The following CREB3L2 variants were observed in gnomAD, a reference collection of about 807,000 sequenced individuals.
CREB3L2 encodes the protein cyclic AMP-responsive element-binding protein 3-like protein 2.
CREB3L2 carries 23 observed loss-of-function variants against 57.2 expected under a neutral mutation model. That is an observed-to-expected ratio of 0.40 (90% CI 0.29 to 0.57). The LOEUF is 0.57. Ranked by LOEUF, CREB3L2 falls within the 20% of genes least tolerant of loss-of-function variation. The pLI, the probability that CREB3L2 is intolerant of heterozygous loss-of-function variation, is 0.42. For synonymous variants in CREB3L2, 268 were observed against 265.1 expected (o/e 1.01, Z -0.11); for missense variants, 628 against 634.7 (o/e 0.99, Z 0.11).
intron 10 of CREB3L2, 82 bp from the exon 11 acceptor site, chr7:137,882,710 T>C: frequency 2.1e-6 from 2 of 936,364 alleles, no homozygotes; most frequent in East Asian, 2.6e-5. Flanking sequence ...TGCTCAGGGC[T>C]GGTGGCAGAT....
At chr7:137,889,012 C>G (rs979575474) in intron 8 of CREB3L2, among the ~76,000 whole-genome samples, 1 of 152,076 alleles carries the variant, frequency 6.6e-6, no homozygotes. Context: ...TACCAACAAT[C>G]CCTATTGACC....
At chr7:137,898,917 G>A (rs1220044483) in intron 8 of CREB3L2, among the ~76,000 whole-genome samples, 13 of 141,632 alleles carry the variant, frequency 9.2e-5, no homozygotes, top group Non-Finnish European at 1.7e-4. Flanking sequence ...AAATAAAAAT[G>A]TGGAAGGAGG....
At chr7:137,902,396 A>G (rs368387544) in intron 7 of CREB3L2, among the ~76,000 whole-genome samples, 89 of 152,198 alleles carry the variant, frequency 5.8e-4, no homozygotes, top group African/African-American at 2.0e-3. Context: ...TCTTACCAGG[A>G]CTGATAAGAA....
Position 137,916,021 on chromosome 7 carries a change from A to C in CREB3L2, c.320-9T>G, listed in dbSNP as rs1800123780. On this transcript the variant is annotated splice_polypyrimidine_tract_variant and intron_variant, in intron 2 of 11. Coordinates refer to ENST00000330387, the MANE Select transcript of CREB3L2 (RefSeq NM_194071.4). Reference sequence around the variant, plus strand: ...CTCACTTTCCACCTCATCTGCAGGAAAAAAGACAAGCACACATGTGAACTT... The same window carrying C: ...CTCACTTTCCACCTCATCTGCAGGACAAAAGACAAGCACACATGTGAACTT... The C allele has an allele frequency of 1.2e-6, 2 of 1,609,662 alleles. No homozygotes were observed. The highest frequency in any genetic ancestry group is 3.4e-5 in the Admixed American group (2 of 59,346).
rs187441300 is a variant in CREB3L2, at chr7:137,916,315, T to C, written c.320-303A>G. 2.3e-3 allele frequency among the ~76,000 whole-genome samples: 349 copies of C among 152,236 alleles called. 1 individual carries two copies. The highest frequency in any genetic ancestry group is 6.8e-3 in the Middle Eastern group (2 of 294). On this transcript the variant is annotated intron_variant, in intron 2 of 11. Transcript: ENST00000330387. ...AAACCTGGGTTGATGGGGAATAGAA[T>C]AGGAGGGAGGATTTTGAATATGTAA... is the stretch of plus-strand genomic sequence containing the variant.
chr7:137,946,700 T>G (rs1415924327), intron 1 of CREB3L2, among the ~76,000 whole-genome samples: 1 of 147,970 alleles, frequency 6.8e-6, no homozygotes, highest in East Asian at 1.9e-4. Flanking sequence ...AGGCTGTCCA[T>G]ACATTTTTAT....
rs536759831 is a variant in CREB3L2 at position 137,935,652 on chromosome 7, G to A, written c.103-7286C>T. 3.3e-5 allele frequency among the ~76,000 whole-genome samples: 5 copies of A among 152,158 alleles called. No individual in the cohort carries two copies. The East Asian group carries it at 7.7e-4, about 23-fold the overall frequency. Reference sequence around the variant, plus strand: ...TAGCCCAGATCAGAGATCATAGATCGTAGATAGTTGCTGCATTCAACAACT... The same window carrying A: ...TAGCCCAGATCAGAGATCATAGATCATAGATAGTTGCTGCATTCAACAACT... On this transcript the variant is annotated intron_variant, in intron 1 of 11. Transcript: ENST00000330387.
chr7:137,899,106 AAGGAAGGAAGGAAGGAAGGAAG>A, intron 8 of CREB3L2, among the ~76,000 whole-genome samples: 1 of 40,542 alleles, frequency 2.5e-5, no homozygotes, highest in East Asian at 9.5e-4. Flanking sequence ...AGAAGGAAGG[AAGGAAGGAAGGAAGGAAGGAAG>A]GAAGGAAGGA....
chr7:137,922,384 G>GTATGTA (rs1554497998), intron 2 of CREB3L2, among the ~76,000 whole-genome samples: 1 of 19,582 alleles, frequency 5.1e-5, no homozygotes, highest in Non-Finnish European at 8.3e-5. Flanking sequence ...ATATATATAT[G>GTATGTA]TATATATATA....
At chr7:137,881,008 T>C (rs552545246) in intron 11 of CREB3L2, among the ~76,000 whole-genome samples, 1 of 152,318 alleles carries the variant, frequency 6.6e-6, no homozygotes, top group East Asian at 1.9e-4. Flanking sequence ...AATACATTAT[T>C]AAATTGTGTA....
Position 137,880,595 on chromosome 7 carries a change from G to T in CREB3L2, c.1488-44C>A. 1 of 1,455,640 alleles carries T rather than the reference G, an allele frequency of 6.9e-7. No individual in the cohort carries two copies. Among genetic ancestry groups the T allele is most frequent in the Non-Finnish European group, 9.6e-7 (1 of 1,037,368 alleles). 90.2% of individuals were successfully genotyped at this position (1,455,640 alleles called of 1,614,324 possible). A position where few individuals can be genotyped will look rare whatever the true frequency, so the allele number is the denominator to read the frequency against. Reference sequence around the variant, plus strand: ...GAAAACGAAGTATTAGTCACCAGCTGTTAGCTACAATTCTCATGCTTTGTA... The same window carrying T: ...GAAAACGAAGTATTAGTCACCAGCTTTTAGCTACAATTCTCATGCTTTGTA... On this transcript the variant is annotated intron_variant, in intron 11 of 11. Transcript: ENST00000330387. The surrounding 1 kb of genome is among the most constrained non-coding windows in gnomAD (Gnocchi z 4.0).
intron 7 of CREB3L2, among the ~76,000 whole-genome samples, chr7:137,902,793 G>GC (rs1799791064): frequency 6.6e-6 from 1 of 150,654 alleles, no homozygotes; most frequent in Non-Finnish European, 1.5e-5. Context: ...TATTGTTGTA[G>GC]TTTTTTTTTA....
chr7:137,959,484 G>T (rs994563835), intron 1 of CREB3L2, among the ~76,000 whole-genome samples: 10 of 152,218 alleles, frequency 6.6e-5, no homozygotes, highest in African/African-American at 1.9e-4. Context: ...GAAACCAGCA[G>T]AAGAAAAGTC....
Position 137,880,246 on chromosome 7 carries a change from G to A in CREB3L2, c.*230C>T. ...CTAAAATAATTTCCTATGGCAGTAA[G>A]AGAAAGGAAGGGAGGGATGCAGGCT... On this transcript the variant is annotated 3_prime_UTR_variant, in exon 12 of 12. Transcript: ENST00000330387. This position sits in a 1 kb window ranked among gnomAD's most constrained non-coding sequence, Gnocchi z 4.0. 3.6e-6 allele frequency: 2 copies of A among 553,124 alleles called. No individual in the cohort carries two copies. The highest frequency in any genetic ancestry group is 3.8e-5 in the African/African-American group (2 of 53,068). The allele number at this position is 553,124 out of a possible 1,614,324, so 34.3% of individuals were successfully genotyped here.
At chr7:137,937,638 G>T (rs886306825) in intron 1 of CREB3L2, among the ~76,000 whole-genome samples, 7 of 152,252 alleles carry the variant, frequency 4.6e-5, no homozygotes, top group Middle Eastern at 3.4e-3. Context: ...AAAAATGTAG[G>T]CCCATTACAT....
At chr7:137,950,206 G>A (rs1246036435) in intron 1 of CREB3L2, among the ~76,000 whole-genome samples, 2 of 152,178 alleles carry the variant, frequency 1.3e-5, no homozygotes, top group African/African-American at 2.4e-5. Context: ...GAAAATGTGG[G>A]TGGTTTTGTC....
At chr7:137,884,575 TTTAC>T (rs1342240760) in intron 10 of CREB3L2, 1 of 340,076 alleles carries the variant, frequency 2.9e-6, no homozygotes, top group South Asian at 4.7e-5. Flanking sequence ...TTAATTTCAC[TTTAC>T]AAGCCCTTAC....
chr7:137,938,244 G>A (rs1340918839), intron 1 of CREB3L2, among the ~76,000 whole-genome samples: 4 of 152,142 alleles, frequency 2.6e-5, no homozygotes, highest in East Asian at 1.9e-4. Flanking sequence ...TGACAGTGGC[G>A]GAGGCTATGA....
rs1054735718 is a variant in CREB3L2 at position 137,880,345 on chromosome 7, A to G, written c.*131T>C. On this transcript the variant is annotated 3_prime_UTR_variant, in exon 12 of 12. Transcript: ENST00000330387. The surrounding 1 kb of genome is among the most constrained non-coding windows in gnomAD (Gnocchi z 4.0). ...GCAGGGAAGTCCCAGGCTGGTCTCC[A>G]ATCTGAAGCCACTAATGCTTGCCCA... 15 of 739,118 alleles carry G rather than the reference A, an allele frequency of 2.0e-5. No individual in the cohort carries two copies. The highest frequency in any genetic ancestry group is 3.1e-5 in the Non-Finnish European group (13 of 423,108). The allele number at this position is 739,118 out of a possible 1,614,324, so 45.8% of individuals were successfully genotyped here.
Sources: allele counts gnomAD v4.1 joint callset (sites outside exome capture counted in the v4.1 genomes callset), GRCh38; gene constraint gnomAD v4.1.1; non-coding constraint Gnocchi (gnomAD v3.1); transcripts MANE v1.5; gene names NCBI Gene and HGNC (gene_info 2026-07-23, HGNC 2026-07-21).